The following MAGI2 variants were observed in gnomAD, a reference collection of about 807,000 sequenced individuals.
MAGI2 encodes membrane associated guanylate kinase, WW and PDZ domain containing 2, also known as membrane-associated guanylate kinase, WW and PDZ domain-containing protein 2.
In MAGI2, 35 loss-of-function variants were observed where a neutral mutation model predicts 133.3. That is an observed-to-expected ratio of 0.26 (90% CI 0.20 to 0.35). MAGI2 has a LOEUF of 0.35. Among genes scored for constraint, MAGI2 ranks in the 10% least tolerant of loss-of-function variants. MAGI2 has a pLI of 1.00. For missense variants in MAGI2, 1,636 were observed against 1,863.4 expected, an observed-to-expected ratio of 0.88 and a Z score of 2.25; for synonymous variants, 729 against 710.6, an observed-to-expected ratio of 1.03 and a Z score of -0.41.
intron 2 of MAGI2, among the ~76,000 whole-genome samples, chr7:78,904,579 A>G (rs975424180): frequency 6.8e-6 from 1 of 147,464 alleles, no homozygotes; most frequent in African/African-American, 2.6e-5. Context: ...GCTGGAGCAC[A>G]GTGGCACCTT....
chr7:78,952,131 T>C (rs1801921343), intron 2 of MAGI2, among the ~76,000 whole-genome samples: 3 of 152,180 alleles, frequency 2.0e-5, no homozygotes, highest in Non-Finnish European at 2.9e-5. Context: ...AAATATTGTG[T>C]GACCCTTTGG....
chr7:79,240,285 G>C (rs984661082), intron 1 of MAGI2, among the ~76,000 whole-genome samples: 41 of 148,720 alleles, frequency 2.8e-4, no homozygotes, highest in African/African-American at 1.0e-3. Context: ...TGAAGGACCA[G>C]AAGACAACAG....
chr7:79,425,123 T>C (rs1239167874), intron 1 of MAGI2, among the ~76,000 whole-genome samples: 1 of 151,790 alleles, frequency 6.6e-6, no homozygotes, highest in East Asian at 1.9e-4. Flanking sequence ...TGGTGGTGGG[T>C]GTCTGTAATC....
At chr7:79,322,533 C>T (rs1465936320) in intron 1 of MAGI2, among the ~76,000 whole-genome samples, 1 of 151,910 alleles carries the variant, frequency 6.6e-6, no homozygotes, top group East Asian at 1.9e-4. Flanking sequence ...AAAATTAGGG[C>T]TTAGCACTTT....
At chr7:78,315,917 ATTTCCTATAC>A (rs1229976605) in intron 9 of MAGI2, among the ~76,000 whole-genome samples, 2 of 152,044 alleles carry the variant, frequency 1.3e-5, no homozygotes, top group African/African-American at 4.8e-5. Context: ...TGCTTCAACA[ATTTCCTATAC>A]TTTCTCTGGC....
chr7:78,573,365 AATATATATATATAT>A (rs58739225), intron 3 of MAGI2, among the ~76,000 whole-genome samples: 2,369 of 29,008 alleles, frequency 0.082, 187 homozygotes, highest in Admixed American at 0.19. Flanking sequence ...GAATCCTGGA[AATATATATATATAT>A]ATATATATAT....
chr7:78,192,859 C>T lies in MAGI2; in HGVS notation c.2269+2015G>A, dbSNP rs149242603. ...GGTTGTGATGAGGCAGCAGCAGCAG[C>T]GGCACAGGGAGAGCACCGATGAGGG... On this transcript the variant is annotated intron_variant, in intron 12 of 21. Coordinates refer to ENST00000354212, the MANE Select transcript of MAGI2 (RefSeq NM_012301.4). 1.8e-3 allele frequency among the ~76,000 whole-genome samples: 268 copies of T among 152,114 alleles called. 1 individual carries two copies. Among genetic ancestry groups the T allele is most frequent in the African/African-American group, 6.0e-3 (250 of 41,486 alleles).
At chr7:78,483,371 G>A (rs1792629284) in intron 6 of MAGI2, among the ~76,000 whole-genome samples, 1 of 151,760 alleles carries the variant, frequency 6.6e-6, no homozygotes, top group Non-Finnish European at 1.5e-5. Context: ...AAACAAAGTA[G>A]GACAGAGTTT....
intron 1 of MAGI2, among the ~76,000 whole-genome samples, chr7:79,182,206 G>A (rs182109414): frequency 1.3e-5 from 2 of 151,958 alleles, no homozygotes; most frequent in Non-Finnish European, 2.9e-5. Context: ...TTAGTCCATT[G>A]TCATGCTGCT....
chr7:79,157,941 AGTGTGTGT>A (rs60535225), intron 1 of MAGI2, among the ~76,000 whole-genome samples: 1,732 of 134,926 alleles, frequency 0.013, 14 homozygotes, highest in Non-Finnish European at 0.017. Context: ...TCTTTGTGTG[AGTGTGTGT>A]GTGTGTGTGT....
chr7:78,573,273 A>AATAT (rs369851566), intron 3 of MAGI2, among the ~76,000 whole-genome samples: 700 of 51,594 alleles, frequency 0.014, 31 homozygotes, highest in African/African-American at 0.062. Flanking sequence ...AATATATATA[A>AATAT]ATATATATAT....
intron 6 of MAGI2, among the ~76,000 whole-genome samples, chr7:78,489,497 T>G (rs1793389879): frequency 6.6e-6 from 1 of 151,994 alleles, no homozygotes; most frequent in Admixed American, 6.6e-5. Context: ...TAGTAGGTGG[T>G]GGAAAGTCAG....
At chr7:78,054,484 TA>T (rs1221407835) in intron 21 of MAGI2, among the ~76,000 whole-genome samples, 1 of 152,116 alleles carries the variant, frequency 6.6e-6, no homozygotes, top group Admixed American at 6.5e-5. Flanking sequence ...ATTCTGTCTT[TA>T]AAAAGCCTCC....
chr7:78,199,947 G>T (rs1204108188), intron 11 of MAGI2, among the ~76,000 whole-genome samples: 1 of 152,212 alleles, frequency 6.6e-6, no homozygotes, highest in African/African-American at 2.4e-5. Flanking sequence ...TGTTGAATTA[G>T]ATAAAGATGT....
rs1563180726 is a variant in MAGI2, at chr7:79,391,548, TATATATATATATATAC to T, written c.301+61456_301+61471del. The stretch of plus-strand genomic sequence containing the variant: ...ATATATATATATATAGACATATATA[TATATATATATATATAC>T]ACACTTTACTGTAAGTTCCAGGCTA... On this transcript the variant is annotated intron_variant, in intron 1 of 21. Coordinates refer to ENST00000354212, the MANE Select transcript of MAGI2 (RefSeq NM_012301.4). Among the ~76,000 whole-genome samples, 21 of 68,880 alleles carry T rather than the reference TATATATATATATATAC, an allele frequency of 3.0e-4. 1 individual carries two copies. The highest frequency in any genetic ancestry group is 2.0e-3 in the African/African-American group (18 of 9,092). The allele number at this position is 68,880 out of a possible 152,430, so 45.2% of individuals were successfully genotyped here.
rs559578746 is a variant in MAGI2 at position 78,297,498 on chromosome 7, T to G, written c.1409-40917A>C. On this transcript the variant is annotated intron_variant, in intron 9 of 21. Transcript: ENST00000354212. ...TACTGGGTATATACCCAAAGGACTA[T>G]AAATCATGCTGCTATAAAGACACAT... Among the ~76,000 whole-genome samples, 28 of 151,376 alleles carry G rather than the reference T, an allele frequency of 1.8e-4. No individual in the cohort carries two copies. In the East Asian group the frequency reaches 5.3e-3, roughly 28 times the overall value.
intron 16 of MAGI2, among the ~76,000 whole-genome samples, chr7:78,139,655 T>C (rs1427322429): frequency 6.6e-6 from 1 of 152,216 alleles, no homozygotes; most frequent in Non-Finnish European, 1.5e-5. Flanking sequence ...ATCAAGTCTT[T>C]GGATCAGTCG....
chr7:79,374,525 T>C (rs935679978), intron 1 of MAGI2, among the ~76,000 whole-genome samples: 2 of 151,960 alleles, frequency 1.3e-5, no homozygotes, highest in African/African-American at 2.4e-5. Context: ...TGTGAGAAAA[T>C]GAATTTATGC....
At chr7:79,178,978 T>A (rs757444237) in intron 1 of MAGI2, among the ~76,000 whole-genome samples, 10 of 151,914 alleles carry the variant, frequency 6.6e-5, no homozygotes, top group Non-Finnish European at 1.3e-4. Flanking sequence ...TTTAGTAAAT[T>A]ATTAATTAAA....
Sources: allele counts gnomAD v4.1 joint callset (sites outside exome capture counted in the v4.1 genomes callset), GRCh38; gene constraint gnomAD v4.1.1; transcripts MANE v1.5; gene names NCBI Gene and HGNC (gene_info 2026-07-23, HGNC 2026-07-21).